The following DIAPH3 variants were observed in gnomAD, a reference collection of about 807,000 sequenced individuals.
The protein encoded by DIAPH3 is diaphanous related formin 3.
In DIAPH3, 117 loss-of-function variants were observed where a neutral mutation model predicts 144.3. The ratio of observed to expected loss-of-function variants is 0.81; its 90% CI spans 0.70 to 0.95. DIAPH3 has a LOEUF of 0.95. Among genes scored for constraint, DIAPH3 ranks in the 40% least tolerant of loss-of-function variants. The pLI, the probability that DIAPH3 is intolerant of heterozygous loss-of-function variation, is 0.00. For synonymous variants in DIAPH3, 519 were observed against 488.9 expected (o/e 1.06, Z -0.81); for missense variants, 1,421 against 1,412.7 (o/e 1.01, Z -0.09).
chr13:59,969,353 T>C (rs1022745744), intron 17 of DIAPH3, among the ~76,000 whole-genome samples: 4 of 152,220 alleles, frequency 2.6e-5, no homozygotes, highest in African/African-American at 7.2e-5. Context: ...ATGTGACTCA[T>C]AGCAATTAAT....
intron 25 of DIAPH3, among the ~76,000 whole-genome samples, chr13:59,790,684 T>C (rs1244425113): frequency 6.6e-6 from 1 of 152,088 alleles, no homozygotes; most frequent in African/African-American, 2.4e-5. Flanking sequence ...GCAAGGAGAA[T>C]AAGGCAAATC....
At chr13:60,130,878 G>A (rs2059120719) in intron 2 of DIAPH3, among the ~76,000 whole-genome samples, 5 of 152,126 alleles carry the variant, frequency 3.3e-5, no homozygotes, top group Admixed American at 3.3e-4. Context: ...GGGAAGGTCA[G>A]AGAAAGAACT....
intron 27 of DIAPH3, among the ~76,000 whole-genome samples, chr13:59,751,567 A>G (rs998841698): frequency 1.3e-5 from 2 of 152,252 alleles, no homozygotes; most frequent in Non-Finnish European, 2.9e-5. Context: ...AAATGTATAC[A>G]ACCTGTAAAA....
At chr13:59,900,765 C>T (rs1029029212) in intron 20 of DIAPH3, among the ~76,000 whole-genome samples, 2 of 152,164 alleles carry the variant, frequency 1.3e-5, no homozygotes, top group African/African-American at 2.4e-5. Context: ...CATCCCTGAA[C>T]TCCCAGCTTA....
chr13:60,158,217 T>A (rs1318248252), intron 1 of DIAPH3, among the ~76,000 whole-genome samples: 1 of 152,232 alleles, frequency 6.6e-6, no homozygotes, highest in African/African-American at 2.4e-5. Context: ...GTGAGAGGTC[T>A]GTGGTCCAAT....
rs117643713 is a variant in DIAPH3, at chr13:60,151,671, C to T, written c.180+11916G>A. Among the ~76,000 whole-genome samples the T allele has an allele frequency of 3.5e-3, 535 of 152,276 alleles. 12 individuals carry two copies. The East Asian group carries it at 0.044, about 13-fold the overall frequency. The stretch of plus-strand genomic sequence containing the variant: ...GCACAAGTCTATACCAGGCACCACA[C>T]AGAAAGTGACTTCCAAAAGCTTACA... On this transcript the variant is annotated intron_variant, in intron 1 of 27. Coordinates refer to ENST00000400324, the MANE Select transcript of DIAPH3 (RefSeq NM_001042517.2).
At chr13:59,909,130 T>A (rs2046872769) in intron 20 of DIAPH3, among the ~76,000 whole-genome samples, 1 of 152,178 alleles carries the variant, frequency 6.6e-6, no homozygotes, top group African/African-American at 2.4e-5. Context: ...TTTATTACTT[T>A]AAAAATGAAA....
intron 25 of DIAPH3, among the ~76,000 whole-genome samples, chr13:59,806,169 C>G (rs892984883): frequency 6.6e-6 from 1 of 151,948 alleles, no homozygotes; most frequent in African/African-American, 2.4e-5. Context: ...TGAAAATAAG[C>G]TAAAACAAAA....
At chr13:59,696,626 C>G (rs2033817231) in intron 27 of DIAPH3, among the ~76,000 whole-genome samples, 1 of 152,182 alleles carries the variant, frequency 6.6e-6, no homozygotes, top group Non-Finnish European at 1.5e-5. Flanking sequence ...ATGCTGTTTA[C>G]AATTGCTTTC....
intron 1 of DIAPH3, among the ~76,000 whole-genome samples, chr13:60,136,508 T>G (rs9538568): frequency 0.22 from 33,381 of 151,128 alleles, 3,860 homozygotes; most frequent in South Asian, 0.27. Context: ...AAGCATACAG[T>G]TTTAGACATT....
chr13:59,845,736 C>T (rs954446285), intron 22 of DIAPH3, among the ~76,000 whole-genome samples: 1 of 152,210 alleles, frequency 6.6e-6, no homozygotes, highest in African/African-American at 2.4e-5. Context: ...ACAGCAAGTA[C>T]ACAGGTAAAG....
chr13:59,930,909 T>C (rs2047989495), intron 17 of DIAPH3, among the ~76,000 whole-genome samples: 2 of 152,114 alleles, frequency 1.3e-5, no homozygotes, highest in Non-Finnish European at 2.9e-5. Flanking sequence ...GTTGATTCTG[T>C]AGTGGGAAAT....
intron 22 of DIAPH3, among the ~76,000 whole-genome samples, chr13:59,855,915 T>C (rs2043229215): frequency 1.3e-5 from 2 of 151,824 alleles, no homozygotes; most frequent in African/African-American, 4.8e-5. Context: ...TATATATATA[T>C]GGATATAGTG....
chr13:59,826,385 T>C (rs1184900244), intron 24 of DIAPH3, among the ~76,000 whole-genome samples: 14 of 144,844 alleles, frequency 9.7e-5, no homozygotes, highest in East Asian at 2.0e-4. Context: ...TATACACCAA[T>C]AACAGACAAA....
intron 21 of DIAPH3, among the ~76,000 whole-genome samples, chr13:59,866,444 G>A (rs1048435157): frequency 2.6e-5 from 4 of 151,860 alleles, no homozygotes; most frequent in Non-Finnish European, 5.9e-5. Context: ...CTCAAAAAAT[G>A]GCAGTAAAAC....
At chr13:59,800,139 T>C (rs1244553085) in intron 25 of DIAPH3, among the ~76,000 whole-genome samples, 2 of 152,188 alleles carry the variant, frequency 1.3e-5, no homozygotes. Context: ...CACGTACACA[T>C]GCATCCTCCC....
intron 17 of DIAPH3, among the ~76,000 whole-genome samples, chr13:59,926,041 A>G (rs2047735662): frequency 6.6e-6 from 1 of 152,158 alleles, no homozygotes; most frequent in Non-Finnish European, 1.5e-5. Context: ...GCTGGAGTGC[A>G]GCAGCATAAT....
At chr13:59,868,680 T>C (rs1012716677) in intron 21 of DIAPH3, among the ~76,000 whole-genome samples, 1 of 152,134 alleles carries the variant, frequency 6.6e-6, no homozygotes, top group African/African-American at 2.4e-5. Flanking sequence ...CAGAATAGTT[T>C]TACCACCCTA....
intron 22 of DIAPH3, among the ~76,000 whole-genome samples, chr13:59,847,346 G>C (rs1188456087): frequency 6.6e-6 from 1 of 152,198 alleles, no homozygotes; most frequent in Non-Finnish European, 1.5e-5. Context: ...AGAAGAAAGG[G>C]AGAAGGCAAG....
Sources: gnomAD v4.1 joint callset for allele counts (sites outside exome capture counted in the v4.1 genomes callset) on GRCh38, gnomAD v4.1.1 for gene constraint, MANE v1.5 for transcripts, NCBI Gene and HGNC (gene_info 2026-07-23, HGNC 2026-07-21) for gene names.